Variants in TNKS observed in about 807,000 individuals in gnomAD.
The protein encoded by TNKS is poly [ADP-ribose] polymerase tankyrase-1.
In TNKS, 72 loss-of-function variants were observed where a neutral mutation model predicts 135.8. The observed-to-expected ratio is 0.53, with a 90% CI of 0.44 to 0.64. The LOEUF is 0.64. TNKS is among the 30% of genes least tolerant of loss of function. The pLI is 0.00. For missense variants in TNKS, 1,769 were observed against 1,674.0 expected (o/e 1.06, Z -0.99); for synonymous variants, 849 against 649.3 (o/e 1.31, Z -4.68).
intron 2 of TNKS, among the ~76,000 whole-genome samples, chr8:9,605,663 C>T (rs929222453): frequency 1.3e-5 from 2 of 151,960 alleles, no homozygotes; most frequent in African/African-American, 4.8e-5. Context: ...CTTGGTATTG[C>T]CAGTCTTTTT....
intron 5 of TNKS, among the ~76,000 whole-genome samples, chr8:9,694,749 G>GA (rs1285841764): frequency 8.1e-6 from 1 of 122,736 alleles, no homozygotes; most frequent in Non-Finnish European, 1.7e-5. Flanking sequence ...GCAACAGAGC[G>GA]AGACTCTGTC....
intron 20 of TNKS, among the ~76,000 whole-genome samples, chr8:9,753,872 T>G (rs1231131337): frequency 6.6e-6 from 1 of 152,236 alleles, no homozygotes; most frequent in African/African-American, 2.4e-5. Flanking sequence ...TGCACAGAGA[T>G]CTAATCTCCA....
At chr8:9,735,668 C>T (rs1297252736) in intron 17 of TNKS, among the ~76,000 whole-genome samples, 182 bp downstream of exon 17, 2 of 151,930 alleles carry the variant, frequency 1.3e-5, no homozygotes, top group Non-Finnish European at 2.9e-5. Flanking sequence ...GGCATAGTGG[C>T]GGGCACCTGT....
intron 17 of TNKS, among the ~76,000 whole-genome samples, chr8:9,747,406 G>C (rs1806296645): frequency 6.6e-6 from 1 of 151,984 alleles, no homozygotes; most frequent in South Asian, 2.1e-4. Context: ...CAATGGTTCA[G>C]GGTCTCATCA....
chr8:9,763,063 ATTTT>A (rs66959741), intron 21 of TNKS, 80 bp from the exon 22 acceptor site: 7,010 of 361,354 alleles, frequency 0.019, no homozygotes, highest in Middle Eastern at 0.032. Flanking sequence ...CTTATTATGA[ATTTT>A]TTTTTTTTTT....
intron 18 of TNKS, among the ~76,000 whole-genome samples, chr8:9,749,258 C>T (rs1806392707): frequency 6.6e-6 from 1 of 152,058 alleles, no homozygotes; most frequent in Non-Finnish European, 1.5e-5. Flanking sequence ...CTATTTTTCC[C>T]ACATTCAAAT....
intron 1 of TNKS, among the ~76,000 whole-genome samples, chr8:9,564,317 T>C (rs1057176795): frequency 5.3e-5 from 8 of 151,894 alleles, no homozygotes; most frequent in African/African-American, 1.9e-4. Context: ...GCCAGAGAAA[T>C]ACATTGGGAG....
At chr8:9,770,967 A>G (rs1288031331) in intron 26 of TNKS, among the ~76,000 whole-genome samples, 1 of 152,164 alleles carries the variant, frequency 6.6e-6, no homozygotes, top group Non-Finnish European at 1.5e-5. Context: ...AGGGACATAC[A>G]AATATGGAAT....
At chr8:9,592,455 C>G (rs138439036) in intron 2 of TNKS, among the ~76,000 whole-genome samples, 1 of 152,190 alleles carries the variant, frequency 6.6e-6, no homozygotes, top group Admixed American at 6.5e-5. Context: ...CTTTATAGTT[C>G]TAGTATATTG....
At chr8:9,693,432 C>T (rs1803370826) in intron 5 of TNKS, among the ~76,000 whole-genome samples, 1 of 152,004 alleles carries the variant, frequency 6.6e-6, no homozygotes, top group Non-Finnish European at 1.5e-5. Flanking sequence ...ATAGTGATTA[C>T]ATTTGGGAAG....
chr8:9,575,786 T>C (rs982901907), intron 1 of TNKS, among the ~76,000 whole-genome samples: 1 of 152,214 alleles, frequency 6.6e-6, no homozygotes, highest in Non-Finnish European at 1.5e-5. Context: ...ACAGATGCTT[T>C]TATCAATTTG....
At position 9,598,757 on chromosome 8, in the gene TNKS, G is replaced by C. The variant is rs1295299151; in HGVS notation, c.899-16825G>C. The stretch of plus-strand genomic sequence containing the variant: ...TGTCTGTGTGTGTATATATGTATAT[G>C]TGTGTGTGTATATATATATATATAT... On this transcript the variant is annotated intron_variant, in intron 2 of 26. Coordinates refer to ENST00000310430, the MANE Select transcript of TNKS (RefSeq NM_003747.3). Among the ~76,000 whole-genome samples the C allele has an allele frequency of 6.9e-3, 459 of 66,372 alleles. 9 individuals are homozygous for C. Among genetic ancestry groups the C allele is most frequent in the African/African-American group, 0.024 (419 of 17,358 alleles). 43.5% of individuals were successfully genotyped at this position (66,372 alleles called of 152,430 possible). A position where few individuals can be genotyped will look rare whatever the true frequency, so the allele number is the denominator to read the frequency against.
At chr8:9,623,307 C>G (rs895215834) in intron 3 of TNKS, among the ~76,000 whole-genome samples, 6 of 152,110 alleles carry the variant, frequency 3.9e-5, no homozygotes, top group African/African-American at 9.7e-5. Context: ...AGAGGTAGAT[C>G]AAATAATGTC....
intron 5 of TNKS, among the ~76,000 whole-genome samples, chr8:9,682,401 C>T (rs147603360): frequency 6.5e-4 from 99 of 152,160 alleles, no homozygotes; most frequent in African/African-American, 2.2e-3. Context: ...AACATGATCC[C>T]TGATATTTAA....
intron 14 of TNKS, among the ~76,000 whole-genome samples, chr8:9,731,536 G>C (rs1055697838): frequency 6.7e-6 from 1 of 150,368 alleles, no homozygotes; most frequent in Non-Finnish European, 1.5e-5. Context: ...CCCACCTCCT[G>C]CTCAGAGATA....
chr8:9,582,546 G>A (rs190858184), intron 2 of TNKS, among the ~76,000 whole-genome samples: 1 of 152,300 alleles, frequency 6.6e-6, no homozygotes, highest in African/African-American at 2.4e-5. Flanking sequence ...AGACATCAGG[G>A]CAGGTTGCTG....
chr8:9,636,282 A>G (rs1297856825), intron 3 of TNKS, among the ~76,000 whole-genome samples: 1 of 152,222 alleles, frequency 6.6e-6, no homozygotes, highest in Non-Finnish European at 1.5e-5. Context: ...GTAAAATGTT[A>G]TTCAAAGTGA....
At chr8:9,709,848 A>G in intron 9 of TNKS, 107 bp from the exon 10 acceptor site, 1 of 770,756 alleles carries the variant, frequency 1.3e-6, no homozygotes, top group South Asian at 1.7e-5. Flanking sequence ...ATGTTCTGAT[A>G]CTCTGAGATA....
At chr8:9,729,997 G>T (rs947891741) in intron 13 of TNKS, among the ~76,000 whole-genome samples, 1 of 151,940 alleles carries the variant, frequency 6.6e-6, no homozygotes, top group South Asian at 2.1e-4. Context: ...GGATGGTCTC[G>T]ATCTCTTGAC....
Sources: allele counts gnomAD v4.1 joint callset (sites outside exome capture counted in the v4.1 genomes callset), GRCh38; gene constraint gnomAD v4.1.1; transcripts MANE v1.5; gene names NCBI Gene and HGNC (gene_info 2026-07-23, HGNC 2026-07-21).